NEBL: variants seen among roughly 807,000 people sequenced by gnomAD.
The protein encoded by NEBL is LIM and SH3 protein 2.
NEBL carries 122 observed loss-of-function variants against 140.2 expected under a neutral mutation model. The observed-to-expected ratio is 0.87, with a 90% CI of 0.75 to 1.01. The LOEUF is 1.01. Among genes scored for constraint, NEBL ranks in the 50% least tolerant of loss-of-function variants. The probability of loss-of-function intolerance (pLI) is 0.00; values close to 1 mark genes in which losing one functional copy is unlikely to be tolerated. For synonymous variants in NEBL, 436 were observed against 398.9 expected (o/e 1.09, Z -1.11); for missense variants, 1,365 against 1,231.3 (o/e 1.11, Z -1.62).
chr10:21,169,049 CAAAAAAAAA>C (rs147147865), intron 2 of NEBL, among the ~76,000 whole-genome samples: 4 of 25,530 alleles, frequency 1.6e-4, no homozygotes, highest in African/African-American at 5.7e-4. Flanking sequence ...ACTCCGTCTA[CAAAAAAAAA>C]AAAAAAAAAA....
intron 2 of NEBL, among the ~76,000 whole-genome samples, chr10:21,102,676 A>G (rs1362666648): frequency 6.6e-6 from 1 of 152,106 alleles, no homozygotes; most frequent in African/African-American, 2.4e-5. Context: ...TATGAGTACT[A>G]TTGCATTGTA....
chr10:20,869,714 G>C, intron 6 of NEBL, 26 bp downstream of exon 6: 1 of 1,494,092 alleles, frequency 6.7e-7, no homozygotes, highest in Non-Finnish European at 9.3e-7. Flanking sequence ...AATCATTTCC[G>C]TTCAAGGTTT....
intron 2 of NEBL, among the ~76,000 whole-genome samples, chr10:21,123,943 T>G (rs1176887140): frequency 6.6e-6 from 1 of 151,946 alleles, no homozygotes; most frequent in Admixed American, 6.6e-5. Flanking sequence ...GTACCAGTAA[T>G]TTCTCTGAGG....
intron 3 of NEBL, among the ~76,000 whole-genome samples, chr10:21,219,074 C>T (rs1281223113): frequency 6.6e-6 from 1 of 152,140 alleles, no homozygotes; most frequent in East Asian, 1.9e-4. Flanking sequence ...GCCACAGTGG[C>T]ATATTTTGGG....
chr10:21,080,402 TG>T (rs1836311275), intron 2 of NEBL, among the ~76,000 whole-genome samples: 1 of 152,226 alleles, frequency 6.6e-6, no homozygotes, highest in African/African-American at 2.4e-5. Flanking sequence ...ATTTCATTTT[TG>T]GGAACAGCTG....
rs929287727 is a variant in NEBL at position 20,902,496 on chromosome 10, T to A, written c.357+59176A>T. Among the ~76,000 whole-genome samples, 10 of 151,890 alleles carry A rather than the reference T, an allele frequency of 6.6e-5. No homozygotes were observed. The East Asian group carries it at 7.7e-4, about 12-fold the overall frequency. ...CCACTCACAAATGAGAGCTACATAG[T>A]TAGATGGATGTTGGAGGAAGTGAAA... On this transcript the variant is annotated intron_variant, in intron 4 of 6. Transcript: ENST00000417816.
chr10:20,843,327 G>T (rs891223678), intron 12 of NEBL, among the ~76,000 whole-genome samples: 2 of 152,122 alleles, frequency 1.3e-5, no homozygotes, highest in South Asian at 4.1e-4. Flanking sequence ...AAGCCACTTA[G>T]TCTGTGGTAT....
At chr10:21,160,817 T>A (rs986172058) in intron 2 of NEBL, among the ~76,000 whole-genome samples, 2 of 151,804 alleles carry the variant, frequency 1.3e-5, no homozygotes, top group African/African-American at 4.9e-5. Flanking sequence ...TAATCCCTGA[T>A]TAAATTTAGT....
chr10:21,044,269 C>T (rs1475480603), intron 2 of NEBL, among the ~76,000 whole-genome samples: 2 of 151,780 alleles, frequency 1.3e-5, no homozygotes, highest in African/African-American at 4.8e-5. Context: ...TGGTGGTGGG[C>T]GCCTGTAATC....
At chr10:21,144,883 T>C (rs1045890687) in intron 2 of NEBL, among the ~76,000 whole-genome samples, 15 of 150,544 alleles carry the variant, frequency 1.0e-4, no homozygotes, top group African/African-American at 3.4e-4. Context: ...CTCTCTCCTC[T>C]CAATGAAAAA....
chr10:21,086,356 G>A (rs1836629514), intron 2 of NEBL, among the ~76,000 whole-genome samples: 1 of 152,142 alleles, frequency 6.6e-6, no homozygotes, highest in South Asian at 2.1e-4. Flanking sequence ...ACTCAAACAA[G>A]GTGATGCTAT....
At chr10:21,168,649 A>G (rs770498041) in intron 2 of NEBL, among the ~76,000 whole-genome samples, 1 of 152,206 alleles carries the variant, frequency 6.6e-6, no homozygotes, top group African/African-American at 2.4e-5. Flanking sequence ...TAAAAGCTCT[A>G]TGATTCTTGA....
At chr10:21,222,504 G>T (rs1468955803) in intron 3 of NEBL, among the ~76,000 whole-genome samples, 1 of 152,116 alleles carries the variant, frequency 6.6e-6, no homozygotes, top group Non-Finnish European at 1.5e-5. Context: ...TATGATTAAA[G>T]AAAAACTTTT....
At chr10:21,274,270 A>G (rs1842892649) in intron 1 of NEBL, among the ~76,000 whole-genome samples, 1 of 152,140 alleles carries the variant, frequency 6.6e-6, no homozygotes. Flanking sequence ...ATGGCCCCAG[A>G]CAGAGTCAGA....
intron 2 of NEBL, among the ~76,000 whole-genome samples, chr10:21,142,605 G>T (rs1268121642): frequency 6.6e-6 from 1 of 152,152 alleles, no homozygotes. Context: ...ATGGAAAAAT[G>T]ATTTACTTTT....
At chr10:20,805,344 T>C (rs1402011694) in intron 26 of NEBL, among the ~76,000 whole-genome samples, 2 of 152,210 alleles carry the variant, frequency 1.3e-5, no homozygotes, top group Non-Finnish European at 1.5e-5. Flanking sequence ...TAAATTAGCA[T>C]ATTCCAATGT....
intron 3 of NEBL, among the ~76,000 whole-genome samples, chr10:21,239,465 C>T (rs1232725387): frequency 6.6e-6 from 1 of 152,114 alleles, no homozygotes; most frequent in Non-Finnish European, 1.5e-5. Context: ...CCCATTTTCT[C>T]ACTCCTGCCT....
chr10:21,054,097 G>GGC (rs1262077995), intron 2 of NEBL, among the ~76,000 whole-genome samples: 51 of 152,156 alleles, frequency 3.4e-4, no homozygotes, highest in African/African-American at 1.1e-3. Flanking sequence ...GGGCAAAATG[G>GGC]ACAAAATAGG....
At chr10:20,805,984 C>G (rs1837582433) in intron 26 of NEBL, among the ~76,000 whole-genome samples, 1 of 152,028 alleles carries the variant, frequency 6.6e-6, no homozygotes, top group South Asian at 2.1e-4. Context: ...ATGATTATTC[C>G]CTCTTACCCA....
Sources: gnomAD v4.1 joint callset for allele counts (sites outside exome capture counted in the v4.1 genomes callset) on GRCh38, gnomAD v4.1.1 for gene constraint, MANE v1.5 for transcripts, NCBI Gene and HGNC (gene_info 2026-07-23, HGNC 2026-07-21) for gene names.